GPR137: variants seen among roughly 807,000 people sequenced by gnomAD.
GPR137 encodes the protein integral membrane protein GPR137.
GPR137 carries 20 observed loss-of-function variants against 38.9 expected under a neutral mutation model. That is an observed-to-expected ratio of 0.51 (90% CI 0.36 to 0.75). GPR137 has a LOEUF of 0.75. GPR137 is among the 30% of genes least tolerant of loss of function. GPR137 has a pLI of 0.00. For missense variants in GPR137, 456 were observed against 526.4 expected, an observed-to-expected ratio of 0.87 and a Z score of 1.31; for synonymous variants, 226 against 235.8, an observed-to-expected ratio of 0.96 and a Z score of 0.38.
upstream of GPR137, chr11:64,271,987 G>A: frequency 2.3e-6 from 1 of 430,970 alleles, no homozygotes; most frequent in Non-Finnish European, 3.9e-6. Context: ...AGGGGCCTTT[G>A]GTGAAGATTT....
chr11:64,273,983 G>A (rs957128215), upstream of GPR137, among the ~76,000 whole-genome samples: 18 of 152,186 alleles, frequency 1.2e-4, no homozygotes, highest in African/African-American at 4.3e-4. Flanking sequence ...GAAGGCGGGG[G>A]ATAACCATTG....
chr11:64,289,077 A>G lies in GPR137; in HGVS notation c.1072A>G (p.Ile358Val). The G allele has an allele frequency of 6.2e-7, 1 of 1,607,710 alleles. No individual in the cohort carries two copies. The highest frequency in any genetic ancestry group is 8.5e-7 in the Non-Finnish European group (1 of 1,178,548). The change falls in exon 7 of 7, where the codon ATC becomes GTC. Residue 358 changes from isoleucine (I) to valine (V), a missense_variant. Coordinates refer to ENST00000438980, the MANE Select transcript of GPR137 (RefSeq NM_001170880.2). Reference sequence around the variant, plus strand: ...AGGCTCTGGGAGCTGGTATGGTGCCATCGGGCGTGAGCCGGGCTGGTATGG... The same window carrying G: ...AGGCTCTGGGAGCTGGTATGGTGCCGTCGGGCGTGAGCCGGGCTGGTATGG... ...SLGSGSWYGA[I>V]GREPGWYGGS...
At chr11:64,284,764 G>A (rs1226522163), upstream of GPR137, 1 of 1,535,352 alleles carries the variant, frequency 6.5e-7, no homozygotes. Context: ...CGTCACTCGG[G>A]TAGGTCCAGA....
Position 64,286,328 on chromosome 11 carries a change from C to T in GPR137, c.-197C>T, listed in dbSNP as rs1230452602. 1 of 1,408,200 alleles carries T rather than the reference C, an allele frequency of 7.1e-7. No individual in the cohort carries two copies. Among genetic ancestry groups the T allele is most frequent in the South Asian group, 1.7e-5 (1 of 59,752 alleles). 87.2% of individuals were successfully genotyped at this position (1,408,200 alleles called of 1,614,324 possible). The stretch of plus-strand genomic sequence containing the variant: ...ATGCCCCTGAGTGAGGGGCCTGGGG[C>T]CCAGGCTGCCTGTGTTCCCCAAGGG... On this transcript the variant is annotated 5_prime_UTR_variant, in exon 1 of 7. Transcript: ENST00000438980.
intron 2 of GPR137, chr11:64,276,921 C>G (rs990146704): frequency 3.9e-6 from 3 of 761,984 alleles, no homozygotes; most frequent in Non-Finnish European, 4.9e-6. Context: ...TTTACATTCT[C>G]TGCGTGTTGG....
At chr11:64,283,847 C>T (rs2033650143), upstream of GPR137, among the ~76,000 whole-genome samples, 2 of 152,202 alleles carry the variant, frequency 1.3e-5, no homozygotes, top group Non-Finnish European at 2.9e-5. Flanking sequence ...GTCACTCAGG[C>T]TGGCCTTGAA....
upstream of GPR137, among the ~76,000 whole-genome samples, chr11:64,271,038 G>T (rs1288484608): frequency 9.1e-5 from 2 of 21,894 alleles, no homozygotes; most frequent in African/African-American, 3.2e-4. Flanking sequence ...CTAGACTACA[G>T]ATCCCAGCAT....
At chr11:64,276,271 T>C (rs1010041022) in intron 1 of GPR137, 9 of 142,350 alleles carry the variant, frequency 6.3e-5, no homozygotes, top group African/African-American at 2.4e-4. Flanking sequence ...AATATACATA[T>C]ATTTATGTGT....
intron 2 of GPR137, chr11:64,287,424 C>T (rs941416114): frequency 4.2e-6 from 3 of 717,020 alleles, no homozygotes; most frequent in Non-Finnish European, 5.1e-6. Context: ...CTACTATCCT[C>T]CCTTGAGAGA....
chr11:64,271,624 C>T, upstream of GPR137: 1 of 1,496,756 alleles, frequency 6.7e-7, no homozygotes, highest in Non-Finnish European at 8.9e-7. Context: ...TTAAAGGAGT[C>T]CACAAACTCG....
chr11:64,283,596 A>G (rs2033629871), upstream of GPR137, among the ~76,000 whole-genome samples: 1 of 152,220 alleles, frequency 6.6e-6, no homozygotes, highest in Non-Finnish European at 1.5e-5. Context: ...ACAGGGCAAG[A>G]AAGAACACAT....
At chr11:64,283,300 G>C (rs891382249), upstream of GPR137, among the ~76,000 whole-genome samples, 41 of 152,158 alleles carry the variant, frequency 2.7e-4, no homozygotes, top group African/African-American at 9.7e-4. Context: ...GCTCAAGCCA[G>C]CCTCCTGAGT....
At chr11:64,276,950 G>A in intron 2 of GPR137, 1 of 756,094 alleles carries the variant, frequency 1.3e-6, no homozygotes, top group South Asian at 1.4e-5. Context: ...GTCAGCGGCT[G>A]GGGCGGACAT....
At chr11:64,287,529 C>T in intron 2 of GPR137, 192 bp from the exon 3 acceptor site, 4 of 744,118 alleles carry the variant, frequency 5.4e-6, no homozygotes, top group Non-Finnish European at 3.3e-6. Context: ...GGTGCACCTT[C>T]CGAAGTACCA....
At chr11:64,280,806 T>C (rs1429865823), upstream of GPR137, among the ~76,000 whole-genome samples, 3 of 151,802 alleles carry the variant, frequency 2.0e-5, no homozygotes, top group African/African-American at 7.3e-5. Context: ...TAGCTGGGAT[T>C]ACAGGCGCCC....
upstream of GPR137, among the ~76,000 whole-genome samples, chr11:64,273,964 C>T (rs57662848): frequency 2.7e-3 from 407 of 151,078 alleles, 2 homozygotes; most frequent in East Asian, 8.9e-3. Context: ...AAATTACAGG[C>T]CAGGAACTGA....
At chr11:64,287,162 G>A (rs952713280) in intron 2 of GPR137, 148 bp downstream of exon 2, 23 of 1,462,948 alleles carry the variant, frequency 1.6e-5, no homozygotes, top group South Asian at 8.4e-5. Flanking sequence ...AGCACCTGGC[G>A]CAGATGGCTC....
upstream of GPR137, among the ~76,000 whole-genome samples, chr11:64,283,463 C>T (rs2033619028): frequency 6.6e-6 from 1 of 152,236 alleles, no homozygotes; most frequent in Non-Finnish European, 1.5e-5. Flanking sequence ...AGTGTCCATC[C>T]TTCCATCTTG....
upstream of GPR137, chr11:64,284,871 C>CCTCG: frequency 6.8e-7 from 1 of 1,480,790 alleles, no homozygotes; most frequent in Non-Finnish European, 8.9e-7. Context: ...GGGCTCACAT[C>CCTCG]CTCGCTGCCT....
Sources: allele counts gnomAD v4.1 joint callset (sites outside exome capture counted in the v4.1 genomes callset), GRCh38; gene constraint gnomAD v4.1.1; transcripts MANE v1.5; gene names NCBI Gene and HGNC (gene_info 2026-07-23, HGNC 2026-07-21).